HYCC1: variants seen among roughly 807,000 people sequenced by gnomAD.
HYCC1 encodes hyccin.
chr7:22,983,998 G>A, the HYCC1 span: 10 of 1,608,854 alleles, frequency 6.2e-6, no homozygotes, highest in Non-Finnish European at 4.3e-6. Context: ...AAGAACTCTT[G>A]TCTTTCAAAT....
the HYCC1 span, among the ~76,000 whole-genome samples, chr7:22,991,655 C>T: frequency 6.6e-6 from 1 of 152,004 alleles, no homozygotes; most frequent in Non-Finnish European, 1.5e-5. Context: ...TTCAAAATGA[C>T]CATATTTGAC....
chr7:22,906,493 A>G, the HYCC1 span, among the ~76,000 whole-genome samples: 1 of 151,602 alleles, frequency 6.6e-6, no homozygotes, highest in Non-Finnish European at 1.5e-5. Flanking sequence ...CACGAGAATC[A>G]CTTGAACCTA....
the HYCC1 span, among the ~76,000 whole-genome samples, chr7:22,901,260 T>C: frequency 1.4e-4 from 13 of 91,520 alleles, no homozygotes; most frequent in Admixed American, 1.3e-3. Context: ...AAGAAAAATA[T>C]ACACCAATAA....
chr7:22,993,357 G>A, the HYCC1 span, among the ~76,000 whole-genome samples: 2 of 152,046 alleles, frequency 1.3e-5, no homozygotes, highest in Non-Finnish European at 2.9e-5. Flanking sequence ...TAAACAAGAG[G>A]CACAAAAGCA....
chr7:22,980,956 A>G, the HYCC1 span, among the ~76,000 whole-genome samples: 28 of 152,260 alleles, frequency 1.8e-4, no homozygotes, highest in African/African-American at 6.3e-4. Flanking sequence ...AACACATCAC[A>G]TATCGCAGGG....
the HYCC1 span, among the ~76,000 whole-genome samples, chr7:22,903,116 G>A: frequency 1.3e-5 from 2 of 152,168 alleles, no homozygotes; most frequent in Non-Finnish European, 2.9e-5. Context: ...TACACTCCTG[G>A]AGTGGGGGAG....
the HYCC1 span, among the ~76,000 whole-genome samples, chr7:22,921,876 C>G: frequency 1.3e-5 from 2 of 151,838 alleles, no homozygotes; most frequent in Non-Finnish European, 2.9e-5. Context: ...AGTTCAAATC[C>G]ACATTGCTCA....
At chr7:22,902,707 T>C in the HYCC1 span, among the ~76,000 whole-genome samples, 1 of 152,076 alleles carries the variant, frequency 6.6e-6, no homozygotes, top group African/African-American at 2.4e-5. Flanking sequence ...AACTATTGCA[T>C]ATCTATATGG....
the HYCC1 span, among the ~76,000 whole-genome samples, chr7:22,970,606 A>G: frequency 2.0e-5 from 3 of 152,364 alleles, no homozygotes; most frequent in Admixed American, 2.0e-4. Flanking sequence ...AGCCTCTCCA[A>G]GGAGGTATCA....
the HYCC1 span, among the ~76,000 whole-genome samples, chr7:22,971,207 A>C: frequency 6.6e-6 from 1 of 150,938 alleles, no homozygotes; most frequent in Non-Finnish European, 1.5e-5. Flanking sequence ...GAGTTTATTT[A>C]TTCATGATAG....
At chr7:22,996,809 T>C in the HYCC1 span, among the ~76,000 whole-genome samples, 6 of 152,114 alleles carry the variant, frequency 3.9e-5, no homozygotes, top group Non-Finnish European at 7.4e-5. Flanking sequence ...ATATAATATG[T>C]AACCTATTAA....
At chr7:22,986,028 T>TTATA in the HYCC1 span, among the ~76,000 whole-genome samples, 8,836 of 149,310 alleles carry the variant, frequency 0.059, 368 homozygotes, top group Non-Finnish European at 0.087. Context: ...GATTACTACT[T>TTATA]TATATATATA....
At chr7:23,002,899 A>T in the HYCC1 span, among the ~76,000 whole-genome samples, 2 of 152,136 alleles carry the variant, frequency 1.3e-5, no homozygotes, top group Admixed American at 6.5e-5. Context: ...CTGAGAGAAT[A>T]GTTTCAGGTC....
chr7:22,955,231 T>G, the HYCC1 span, among the ~76,000 whole-genome samples: 1 of 151,640 alleles, frequency 6.6e-6, no homozygotes, highest in African/African-American at 2.4e-5. Context: ...CTTACAGTTT[T>G]GGGAAAGTAC....
At chr7:22,989,029 A>G in the HYCC1 span, among the ~76,000 whole-genome samples, 1 of 152,134 alleles carries the variant, frequency 6.6e-6, no homozygotes, top group Non-Finnish European at 1.5e-5. Context: ...GAGATCAGTC[A>G]TGGTTTTCCA....
chr7:23,008,236 T>C, the HYCC1 span, among the ~76,000 whole-genome samples: 1 of 152,000 alleles, frequency 6.6e-6, no homozygotes, highest in Non-Finnish European at 1.5e-5. Flanking sequence ...GCCATCTTTC[T>C]ATGTTCCATC....
chr7:22,995,431 T>C, the HYCC1 span, among the ~76,000 whole-genome samples: 98,866 of 151,908 alleles, frequency 0.65, 32,138 homozygotes, highest in Non-Finnish European at 0.66. Context: ...TTTCTTCCTA[T>C]CTGCCTCAGC....
At chr7:22,959,543 C>G in the HYCC1 span, among the ~76,000 whole-genome samples, 1 of 152,042 alleles carries the variant, frequency 6.6e-6, no homozygotes, top group Non-Finnish European at 1.5e-5. Context: ...TAATTTCCTT[C>G]TTAGACTGGT....
chr7:23,010,645 T>C, the HYCC1 span, among the ~76,000 whole-genome samples: 2 of 152,306 alleles, frequency 1.3e-5, no homozygotes, highest in East Asian at 1.9e-4. Context: ...ATATGTAGTA[T>C]ACTATATGTC....
Sources: gnomAD v4.1 joint callset for allele counts (sites outside exome capture counted in the v4.1 genomes callset) on GRCh38, gnomAD v4.1.1 for gene constraint, MANE v1.5 for transcripts, NCBI Gene and HGNC (gene_info 2026-07-23, HGNC 2026-07-21) for gene names.